ASIC2: variants seen among roughly 807,000 people sequenced by gnomAD.
The protein encoded by ASIC2 is acid-sensing ion channel 2.
In ASIC2, 25 loss-of-function variants were observed where a neutral mutation model predicts 57.3. The ratio of observed to expected loss-of-function variants is 0.44; its 90% CI spans 0.32 to 0.61. ASIC2 has a LOEUF of 0.61. ASIC2 is among the 20% of genes least tolerant of loss of function. The pLI, the probability that ASIC2 is intolerant of heterozygous loss-of-function variation, is 0.06. For missense variants in ASIC2, 641 were observed against 738.1 expected (o/e 0.87, Z 1.52); for synonymous variants, 319 against 307.5 (o/e 1.04, Z -0.39).
intron 1 of ASIC2, among the ~76,000 whole-genome samples, chr17:34,023,524 G>A (rs1458802430): frequency 1.3e-5 from 2 of 152,168 alleles, no homozygotes; most frequent in African/African-American, 4.8e-5. Flanking sequence ...GTATTAAGAA[G>A]TGGGGCCTTT....
intron 1 of ASIC2, among the ~76,000 whole-genome samples, chr17:33,900,779 G>A (rs1004080421): frequency 1.3e-5 from 2 of 152,192 alleles, no homozygotes; most frequent in Admixed American, 1.3e-4. Flanking sequence ...GGTGGGGGCT[G>A]CCCATTCAAC....
chr17:33,673,538 G>T (rs2142052687), intron 1 of ASIC2, among the ~76,000 whole-genome samples: 1 of 152,300 alleles, frequency 6.6e-6, no homozygotes, highest in South Asian at 2.1e-4. Flanking sequence ...AAAAGGAGGA[G>T]TGATGTTCAG....
chr17:33,650,380 G>A (rs188820747), intron 1 of ASIC2, among the ~76,000 whole-genome samples: 29 of 152,226 alleles, frequency 1.9e-4, no homozygotes, highest in Admixed American at 3.9e-4. Flanking sequence ...GACATTACTG[G>A]CGAGCATGTA....
intron 1 of ASIC2, among the ~76,000 whole-genome samples, chr17:33,264,182 G>A (rs186002147): frequency 7.9e-5 from 12 of 152,358 alleles, no homozygotes; most frequent in Admixed American, 5.9e-4. Context: ...TTTACAAGCC[G>A]TGATGTCACT....
rs761823820 is a variant in ASIC2, at chr17:34,156,512, G to A, written c.21C>T (p.Pro7=). 7 of 1,599,374 alleles carry A rather than the reference G, an allele frequency of 4.4e-6. No homozygotes were observed. The highest frequency in any genetic ancestry group is 3.4e-6 in the Non-Finnish European group (4 of 1,169,766). ...TAGAAGGTTGCAGGCTGCCCTCACT[G>A]GGGCTTTCCTTGAGGTCCATCGGGA... The change falls in exon 1 of 10, where the codon CCC becomes CCT. Residue 7 remains proline, a synonymous_variant. Coordinates refer to the ASIC2 transcript ENST00000359872. The surrounding 1 kb of genome is among the most constrained non-coding windows in gnomAD (Gnocchi z 4.4).
chr17:33,299,539 G>GC (rs1567815520), intron 1 of ASIC2, among the ~76,000 whole-genome samples: 1 of 150,656 alleles, frequency 6.6e-6, no homozygotes, highest in Non-Finnish European at 1.5e-5. Context: ...CCCTCACTCT[G>GC]TTTTTTTTTG....
intron 1 of ASIC2, among the ~76,000 whole-genome samples, chr17:33,279,084 G>T (rs954823542): frequency 6.6e-6 from 1 of 152,230 alleles, no homozygotes; most frequent in African/African-American, 2.4e-5. Context: ...GAAGAGATGA[G>T]ATTTTTAGAA....
chr17:33,261,427 A>G (rs1909275996), intron 1 of ASIC2, among the ~76,000 whole-genome samples: 1 of 152,196 alleles, frequency 6.6e-6, no homozygotes, highest in Non-Finnish European at 1.5e-5. Flanking sequence ...CCAGGGAAAT[A>G]GGGGAAACTG....
chr17:33,129,525 A>G (rs8066201), intron 1 of ASIC2, among the ~76,000 whole-genome samples: 4,125 of 152,332 alleles, frequency 0.027, 197 homozygotes, highest in African/African-American at 0.095. Flanking sequence ...ATAAAATAAC[A>G]ACTAAAGTGT....
chr17:33,561,663 C>T (rs561593797), intron 1 of ASIC2, among the ~76,000 whole-genome samples: 19 of 152,178 alleles, frequency 1.2e-4, no homozygotes, highest in African/African-American at 4.1e-4. Context: ...ACATAGGGGG[C>T]GTGAGCTAGA....
At chr17:33,868,018 G>A (rs1249163671) in intron 1 of ASIC2, among the ~76,000 whole-genome samples, 1 of 152,140 alleles carries the variant, frequency 6.6e-6, no homozygotes, top group Non-Finnish European at 1.5e-5. Context: ...GTGTGAGAAG[G>A]TTTTTCTGCA....
At chr17:33,599,146 T>C (rs934640208) in intron 1 of ASIC2, among the ~76,000 whole-genome samples, 1 of 152,250 alleles carries the variant, frequency 6.6e-6, no homozygotes, top group African/African-American at 2.4e-5. Flanking sequence ...AGTAAGATCA[T>C]GCTTTGAGAC....
intron 1 of ASIC2, among the ~76,000 whole-genome samples, chr17:33,518,439 G>C (rs1361592603): frequency 6.6e-6 from 1 of 152,162 alleles, no homozygotes; most frequent in East Asian, 1.9e-4. Flanking sequence ...GACTTCCTGA[G>C]GGAGGCAGCA....
intron 1 of ASIC2, among the ~76,000 whole-genome samples, chr17:33,538,087 C>G (rs2141966460): frequency 6.6e-6 from 1 of 152,278 alleles, no homozygotes; most frequent in Non-Finnish European, 1.5e-5. Flanking sequence ...GAGTAAAATG[C>G]TTGGCATGCA....
intron 1 of ASIC2, chr17:33,834,220 CT>C (rs1913200595): frequency 6.6e-6 from 1 of 151,814 alleles, no homozygotes; most frequent in Non-Finnish European, 1.5e-5. Context: ...CAATCATTAT[CT>C]TTTGCTTTCA....
chr17:33,419,998 C>T (rs1375192434), intron 1 of ASIC2, among the ~76,000 whole-genome samples: 1 of 152,060 alleles, frequency 6.6e-6, no homozygotes. Context: ...TACTGTTTAC[C>T]TTAAGTTGGG....
chr17:33,443,333 T>A (rs1308737110), intron 1 of ASIC2, among the ~76,000 whole-genome samples: 2 of 152,006 alleles, frequency 1.3e-5, no homozygotes, highest in Non-Finnish European at 2.9e-5. Flanking sequence ...TTGTTTCTTC[T>A]TTAAAAATGT....
intron 1 of ASIC2, among the ~76,000 whole-genome samples, chr17:33,766,162 C>T (rs1567710119): frequency 6.6e-6 from 1 of 152,120 alleles, no homozygotes; most frequent in South Asian, 2.1e-4. Context: ...GAGAGAGAGG[C>T]CACATTTACA....
intron 1 of ASIC2, among the ~76,000 whole-genome samples, chr17:34,144,517 T>A (rs1216010951): frequency 6.6e-6 from 1 of 152,178 alleles, no homozygotes; most frequent in Non-Finnish European, 1.5e-5. Context: ...TTAGTAATAA[T>A]AATAGTAACA....
Sources: gnomAD v4.1 joint callset for allele counts (sites outside exome capture counted in the v4.1 genomes callset) on GRCh38, gnomAD v4.1.1 for gene constraint, Gnocchi (gnomAD v3.1) non-coding constraint, MANE v1.5 for transcripts, NCBI Gene and HGNC (gene_info 2026-07-23, HGNC 2026-07-21) for gene names.